PTPRT: variants seen among roughly 807,000 people sequenced by gnomAD.
PTPRT encodes protein tyrosine phosphatase receptor type T, also known as receptor-type tyrosine-protein phosphatase T.
A neutral mutation model predicts 176.8 loss-of-function variants in PTPRT; 56 were observed. The observed-to-expected ratio is 0.32, with a 90% CI of 0.26 to 0.40. PTPRT has a LOEUF of 0.40. Among genes scored for constraint, PTPRT ranks in the 10% least tolerant of loss-of-function variants. The pLI, the probability that PTPRT is intolerant of heterozygous loss-of-function variation, is 1.00. For missense variants in PTPRT, 1,540 were observed against 1,908.2 expected (o/e 0.81, Z 3.60); for synonymous variants, 783 against 739.0 (o/e 1.06, Z -0.96).
intron 23 of PTPRT, 99 bp from the exon 24 acceptor site, chr20:42,107,020 G>A (rs1986516178): frequency 2.1e-6 from 3 of 1,448,048 alleles, no homozygotes; most frequent in Non-Finnish European, 2.8e-6. Context: ...GTCCTGCTGG[G>A]AGGCTCTAGA....
At chr20:42,954,061 C>T (rs1170499947) in intron 1 of PTPRT, among the ~76,000 whole-genome samples, 2 of 151,984 alleles carry the variant, frequency 1.3e-5, no homozygotes, top group Admixed American at 6.6e-5. Flanking sequence ...TAAGACCTCC[C>T]GTGGGATGGC....
intron 1 of PTPRT, among the ~76,000 whole-genome samples, chr20:43,054,647 T>C (rs1987168935): frequency 6.6e-6 from 1 of 152,100 alleles, no homozygotes; most frequent in African/African-American, 2.4e-5. Context: ...CCTTCATTTC[T>C]ATTTTCTGGA....
At chr20:42,816,572 C>G (rs1426610427) in intron 2 of PTPRT, among the ~76,000 whole-genome samples, 2 of 152,092 alleles carry the variant, frequency 1.3e-5, no homozygotes, top group East Asian at 1.9e-4. Flanking sequence ...GGAGGTTTCC[C>G]CCATGCTGTT....
In PTPRT at chr20:42,662,376, C is replaced by T. The variant is rs576801215; in HGVS notation, c.1153+15490G>A. 5.9e-5 allele frequency among the ~76,000 whole-genome samples: 9 copies of T among 152,216 alleles called. No homozygotes were observed. In the East Asian group the frequency reaches 1.7e-3, roughly 29 times the overall value. ...GGTCAGCTGGGTCCAGAGCAGGACT[C>T]TAATCGGACTCAGTAGGCCCCAACC... is the stretch of plus-strand genomic sequence containing the variant. On this transcript the variant is annotated intron_variant, in intron 7 of 30. Transcript: ENST00000373187.
At chr20:42,285,919 A>G (rs1056141413) in intron 12 of PTPRT, among the ~76,000 whole-genome samples, 5 of 151,984 alleles carry the variant, frequency 3.3e-5, no homozygotes, top group African/African-American at 7.2e-5. Flanking sequence ...TACAAAAATC[A>G]GTACTGTTTC....
chr20:42,769,725 C>T (rs1287951704), intron 5 of PTPRT, among the ~76,000 whole-genome samples: 7 of 152,204 alleles, frequency 4.6e-5, no homozygotes, highest in African/African-American at 1.7e-4. Context: ...AACAACCCAA[C>T]AGGTATCCAT....
At chr20:42,553,993 G>A (rs2072815627) in intron 7 of PTPRT, among the ~76,000 whole-genome samples, 1 of 152,100 alleles carries the variant, frequency 6.6e-6, no homozygotes, top group Admixed American at 6.6e-5. Flanking sequence ...ATGTCACCAA[G>A]GCCGCAGAAA....
chr20:42,793,617 G>T (rs75335178), intron 2 of PTPRT, among the ~76,000 whole-genome samples: 1,804 of 152,234 alleles, frequency 0.012, 32 homozygotes, highest in African/African-American at 0.04. Context: ...TTTTATGGCC[G>T]TGCAGTAACA....
intron 1 of PTPRT, among the ~76,000 whole-genome samples, chr20:43,134,164 A>T (rs983526506): frequency 6.6e-6 from 1 of 152,210 alleles, no homozygotes; most frequent in Non-Finnish European, 1.5e-5. Context: ...GTCTCCAACA[A>T]ATAAACACAA....
At chr20:42,797,449 T>A (rs1234742644) in intron 2 of PTPRT, among the ~76,000 whole-genome samples, 1 of 152,176 alleles carries the variant, frequency 6.6e-6, no homozygotes, top group Non-Finnish European at 1.5e-5. Flanking sequence ...CCACTTCCTA[T>A]AAAGCCCAAG....
At chr20:42,201,602 T>C (rs898559906) in intron 15 of PTPRT, among the ~76,000 whole-genome samples, 3 of 151,610 alleles carry the variant, frequency 2.0e-5, no homozygotes, top group African/African-American at 7.3e-5. Flanking sequence ...GAGGAACAAA[T>C]AGAGGAAGCA....
At chr20:42,970,571 C>T (rs181716980) in intron 1 of PTPRT, among the ~76,000 whole-genome samples, 1 of 152,106 alleles carries the variant, frequency 6.6e-6, no homozygotes, top group Non-Finnish European at 1.5e-5. Flanking sequence ...AATGCTAGCA[C>T]CCCCCTCACC....
intron 3 of PTPRT, among the ~76,000 whole-genome samples, chr20:42,784,060 T>C (rs1475381113): frequency 2.6e-5 from 4 of 152,256 alleles, no homozygotes; most frequent in Admixed American, 6.5e-5. Flanking sequence ...CTCCAGCCCA[T>C]AGGCTTCATT....
intron 2 of PTPRT, among the ~76,000 whole-genome samples, chr20:42,846,588 A>C (rs1008103072): frequency 2.6e-5 from 4 of 152,220 alleles, no homozygotes; most frequent in Admixed American, 2.6e-4. Context: ...CAATGGCTAC[A>C]GGCATTTGGT....
At chr20:43,162,636 C>CTCACT (rs1306634076) in intron 1 of PTPRT, among the ~76,000 whole-genome samples, 2 of 126,712 alleles carry the variant, frequency 1.6e-5, no homozygotes, top group Non-Finnish European at 3.7e-5. Context: ...CATGGTCCAT[C>CTCACT]ACTCTGGAGG....
rs2057713498 is a variant in PTPRT, at chr20:42,315,881, G to C, written c.1981C>G (p.Leu661Val). The change falls in exon 12 of 31, where the codon CTA becomes GTA. Residue 661 changes from leucine (L) to valine (V), a missense_variant. Physicochemically the swap from Leu to Val is conservative, Grantham distance 32. Around this residue, in one of 11 missense-constraint regions of PTPRT, gnomAD observed 81 missense variants for 89.9 expected, o/e 0.90. Transcript: ENST00000373187. ...TTCAACTCAGCAGCAAAGTAGTGTA[G>C]AGAATCGAGGCTGGAGGCATTCCGA... Reference protein sequence around the residue: ...SYRNASSLDSLHYFAAELKPA... With the variant: ...SYRNASSLDSVHYFAAELKPA... 1 of 1,614,162 alleles carries C rather than the reference G, an allele frequency of 6.2e-7. No individual in the cohort carries two copies. Among genetic ancestry groups the C allele is most frequent in the Non-Finnish European group, 8.5e-7 (1 of 1,180,030 alleles).
rs550118512 is a variant in PTPRT, at chr20:42,319,027, C to T, written c.1866-3031G>A. Among the ~76,000 whole-genome samples the T allele has an allele frequency of 2.0e-5, 3 of 152,292 alleles. No individual in the cohort carries two copies. In the South Asian group the frequency reaches 6.2e-4, roughly 32 times the overall value. On this transcript the variant is annotated intron_variant, in intron 11 of 30. Coordinates refer to ENST00000373187, the MANE Select transcript of PTPRT (RefSeq NM_007050.6). ...TCACTGGGCTCTGAACATTCAAATG[C>T]TGCCAAGGACTATTAGACACAGCCA... is the stretch of plus-strand genomic sequence containing the variant.
intron 1 of PTPRT, among the ~76,000 whole-genome samples, chr20:42,936,418 C>T (rs900874991): frequency 1.2e-4 from 18 of 152,126 alleles, no homozygotes; most frequent in Middle Eastern, 3.2e-3. Flanking sequence ...AGTAGGAATA[C>T]GTGAACAGAG....
chr20:42,836,034 CT>C (rs1054954990), intron 2 of PTPRT, among the ~76,000 whole-genome samples: 3 of 152,030 alleles, frequency 2.0e-5, no homozygotes, highest in Non-Finnish European at 4.4e-5. Flanking sequence ...CTGTTTGCCC[CT>C]GGTCTAATTT....
Sources: allele counts gnomAD v4.1 joint callset (sites outside exome capture counted in the v4.1 genomes callset), GRCh38; gene constraint gnomAD v4.1.1; regional missense constraint gnomAD v4.1.1; transcripts MANE v1.5; gene names NCBI Gene and HGNC (gene_info 2026-07-23, HGNC 2026-07-21).